The following GNAL variants were observed in gnomAD, a reference collection of about 807,000 sequenced individuals.
The protein encoded by GNAL is G protein subunit alpha L, also known as guanine nucleotide-binding protein G(olf) subunit alpha.
GNAL carries 18 observed loss-of-function variants against 55.1 expected under a neutral mutation model. The ratio of observed to expected loss-of-function variants is 0.33; its 90% CI spans 0.23 to 0.48. The LOEUF (loss-of-function observed/expected upper bound fraction) is 0.48, where lower values mean the gene tolerates loss of function less well. Among genes scored for constraint, GNAL ranks in the 20% least tolerant of loss-of-function variants. The probability of loss-of-function intolerance (pLI) is 0.99; values close to 1 mark genes in which losing one functional copy is unlikely to be tolerated. For synonymous variants in GNAL, 253 were observed against 237.0 expected (o/e 1.07, Z -0.62); for missense variants, 412 against 614.1 (o/e 0.67, Z 3.48).
At chr18:11,722,853 A>T (rs1330910552) in intron 1 of GNAL, among the ~76,000 whole-genome samples, 1 of 152,182 alleles carries the variant, frequency 6.6e-6, no homozygotes, top group Non-Finnish European at 1.5e-5. Flanking sequence ...CTCTATTAAA[A>T]ATACAAAATT....
chr18:11,884,651 T>C lies in GNAL; in HGVS notation c.*3516T>C, dbSNP rs776646202. 1.9e-6 allele frequency: 3 copies of C among 1,608,906 alleles called. No homozygotes were observed. Among genetic ancestry groups the C allele is most frequent in the Middle Eastern group, 1.7e-4 (1 of 5,862 alleles). On this transcript the variant is annotated 3_prime_UTR_variant, in exon 12 of 12. Transcript: ENST00000334049. ...CCCTGGAAAGGAGAAGGGAAAGTTA[T>C]GCTGAGAGCACCAGGCACACGTTGA... is the stretch of plus-strand genomic sequence containing the variant.
intron 4 of GNAL, among the ~76,000 whole-genome samples, chr18:11,766,093 T>G (rs775642922): frequency 6.6e-6 from 1 of 152,226 alleles, no homozygotes; most frequent in Non-Finnish European, 1.5e-5. Context: ...GCTATTCTTA[T>G]GCCAAATTAA....
intron 10 of GNAL, among the ~76,000 whole-genome samples, chr18:11,875,918 G>A (rs747897362): frequency 2.0e-5 from 3 of 152,126 alleles, no homozygotes; most frequent in African/African-American, 2.4e-5. Flanking sequence ...TTCATAGATG[G>A]CACTGTCTCA....
intron 4 of GNAL, among the ~76,000 whole-genome samples, chr18:11,766,253 T>G (rs2033402616): frequency 6.6e-6 from 1 of 152,222 alleles, no homozygotes; most frequent in African/African-American, 2.4e-5. Context: ...CATGAAGGTG[T>G]GGGGGTTTTT....
At chr18:11,816,491 G>T (rs934683002) in intron 4 of GNAL, among the ~76,000 whole-genome samples, 47 of 151,912 alleles carry the variant, frequency 3.1e-4, no homozygotes, top group African/African-American at 1.1e-3. Flanking sequence ...TAGAGACGGG[G>T]TTTCACCATT....
Position 11,689,840 on chromosome 18 carries a change from G to A in GNAL, c.277G>A (p.Glu93Lys), listed in dbSNP as rs765936963. Residue 93 changes from glutamate (E) to lysine (K), a missense_variant, in exon 1 of 12, where the codon GAG (glutamate) becomes AAG (lysine). This residue lies in a region of GNAL where 228 missense variants were observed against 194.8 expected (regional missense o/e 1.17). Coordinates refer to ENST00000334049, the MANE Select transcript of GNAL (RefSeq NM_182978.4). ...AEEREAAKER[E>K]AVKEARKVSR... The stretch of plus-strand genomic sequence containing the variant: ...GGAGCGCGAGGCGGCCAAGGAGCGC[G>A]AGGCGGTCAAGGAGGCGAGGAAAGT... The A allele has an allele frequency of 2.6e-6, 4 of 1,537,872 alleles. No homozygotes were observed. In the Admixed American group the frequency reaches 5.8e-5, roughly 22 times the overall value.
chr18:11,871,690 T>G (rs1376908129), intron 9 of GNAL, among the ~76,000 whole-genome samples: 1 of 152,256 alleles, frequency 6.6e-6, no homozygotes, highest in African/African-American at 2.4e-5. Flanking sequence ...TATATTACTT[T>G]GTTGTTGTTA....
chr18:11,698,421 G>A (rs1218058382), intron 1 of GNAL, among the ~76,000 whole-genome samples: 1 of 151,004 alleles, frequency 6.6e-6, no homozygotes, highest in Non-Finnish European at 1.5e-5. Context: ...AACCCAGGAG[G>A]CAGAGGTTGC....
intron 1 of GNAL, among the ~76,000 whole-genome samples, chr18:11,706,713 A>AAT (rs2031721236): frequency 6.6e-6 from 1 of 152,170 alleles, no homozygotes; most frequent in Admixed American, 6.5e-5. Context: ...ATTGCATCTA[A>AAT]AGAAACCTCT....
intron 3 of GNAL, 32 bp downstream of exon 3, chr18:11,753,714 A>G (rs1230242284): frequency 6.6e-7 from 1 of 1,507,418 alleles, no homozygotes; most frequent in East Asian, 2.3e-5. Flanking sequence ...TGTTTACTAG[A>G]AAGGTCAAGT....
rs1598455571 is a variant in GNAL at position 11,881,229 on chromosome 18, T to C, written c.*94T>C. 8.0e-7 allele frequency: 1 copy of C among 1,253,970 alleles called. No individual in the cohort carries two copies. Among genetic ancestry groups the C allele is most frequent in the East Asian group, 2.6e-5 (1 of 39,108 alleles). 77.7% of individuals were successfully genotyped at this position (1,253,970 alleles called of 1,614,324 possible). The stretch of plus-strand genomic sequence containing the variant: ...AGGAGGCAGAGTCTCTAGTTCCATC[T>C]CGCTGCCGTCTGTCCCGTTCTGTGT... On this transcript the variant is annotated 3_prime_UTR_variant, in exon 12 of 12. Transcript: ENST00000334049. This position sits in a 1 kb window ranked among gnomAD's most constrained non-coding sequence, Gnocchi z 4.8.
chr18:11,840,900 A>T (rs1370441560), intron 5 of GNAL, among the ~76,000 whole-genome samples: 11 of 144,932 alleles, frequency 7.6e-5, no homozygotes, highest in Non-Finnish European at 1.4e-4. Context: ...TTTGAGACAC[A>T]GTCTCACTCT....
rs1483610763 is a variant in GNAL at position 11,880,999 on chromosome 18, C to T, written c.1241C>T (p.Thr414Met). The change falls in exon 12 of 12, where the codon ACG (threonine) becomes ATG (methionine). Residue 414 changes from threonine (T) to methionine (M), a missense_variant. Thr to Met is a moderately conservative substitution (Grantham distance 81, BLOSUM62 -1). Transcript: ENST00000334049. ...CGCTCTCTCTTGCAGAGGATCAGCA[C>T]GGCCACCGGTGACGGCAAACATTAC... is the stretch of plus-strand genomic sequence containing the variant. ...FIRDLFLRIS[T>M]ATGDGKHYCY... 6.2e-6 allele frequency: 10 copies of T among 1,613,716 alleles called. No homozygotes were observed. The highest frequency in any genetic ancestry group is 1.1e-5 in the South Asian group (1 of 91,016).
At chr18:11,802,487 T>C (rs1359842488) in intron 4 of GNAL, among the ~76,000 whole-genome samples, 1 of 152,154 alleles carries the variant, frequency 6.6e-6, no homozygotes, top group Non-Finnish European at 1.5e-5. Flanking sequence ...GAGACCAGTC[T>C]TGTTGCAGGC....
intron 4 of GNAL, among the ~76,000 whole-genome samples, chr18:11,822,236 C>T (rs1216462445): frequency 6.6e-6 from 1 of 152,104 alleles, no homozygotes; most frequent in Non-Finnish European, 1.5e-5. Context: ...GCCTGGAGTT[C>T]GAGACCAGCC....
intron 1 of GNAL, among the ~76,000 whole-genome samples, chr18:11,749,065 G>A (rs1320994289): frequency 6.8e-6 from 1 of 147,760 alleles, no homozygotes. Context: ...GGCAGAGGTT[G>A]CAGTGAGCTG....
chr18:11,790,223 G>T (rs1173612972), intron 4 of GNAL, among the ~76,000 whole-genome samples: 1 of 152,160 alleles, frequency 6.6e-6, no homozygotes, highest in Non-Finnish European at 1.5e-5. Flanking sequence ...TGGGCAGGGG[G>T]TGTTCAGAGC....
intron 4 of GNAL, among the ~76,000 whole-genome samples, chr18:11,806,510 G>T (rs546625590): frequency 6.6e-6 from 1 of 152,072 alleles, no homozygotes; most frequent in African/African-American, 2.4e-5. Context: ...ATCTTCAGTC[G>T]ATTTTTGTAT....
rs371129956 is a variant in GNAL, at chr18:11,851,282, C to T, written c.723-11113C>T. 1.9e-4 allele frequency: 94 copies of T among 501,940 alleles called. 1 individual carries two copies. Among genetic ancestry groups the T allele is most frequent in the Admixed American group, 7.3e-4 (19 of 26,128 alleles). The allele number at this position is 501,940 out of a possible 1,614,324, so 31.1% of individuals were successfully genotyped here. A position where few individuals can be genotyped will look rare whatever the true frequency, so the allele number is the denominator to read the frequency against. On this transcript the variant is annotated intron_variant, in intron 5 of 11. Transcript: ENST00000334049. Reference sequence around the variant, plus strand: ...GGAGCGTCCAGCCAGAATCCCCCTGCATGCGCAGCCCCTGGCGTCTTACGT... The same window carrying T: ...GGAGCGTCCAGCCAGAATCCCCCTGTATGCGCAGCCCCTGGCGTCTTACGT...
Sources: gnomAD v4.1 joint callset for allele counts (sites outside exome capture counted in the v4.1 genomes callset) on GRCh38, gnomAD v4.1.1 for gene constraint, gnomAD v4.1.1 regional missense constraint, Gnocchi (gnomAD v3.1) non-coding constraint, MANE v1.5 for transcripts, NCBI Gene and HGNC (gene_info 2026-07-23, HGNC 2026-07-21) for gene names.